The following PTPRD variants were observed in gnomAD, a reference collection of about 807,000 sequenced individuals.
The protein encoded by PTPRD is protein tyrosine phosphatase receptor type D.
Under a neutral mutation model 214.5 loss-of-function variants are expected in PTPRD, and 34 were observed. The observed-to-expected ratio is 0.16, with a 90% CI of 0.12 to 0.21. PTPRD has a LOEUF of 0.21. Ranked by LOEUF, PTPRD falls within the 10% of genes least tolerant of loss-of-function variation. PTPRD has a pLI of 1.00. For synonymous variants in PTPRD, 1,128 were observed against 845.7 expected, an observed-to-expected ratio of 1.33 and a Z score of -5.79; for missense variants, 2,545 against 2,398.7, an observed-to-expected ratio of 1.06 and a Z score of -1.27.
chr9:10,023,505 G>C (rs2096863241), intron 4 of PTPRD, among the ~76,000 whole-genome samples: 1 of 152,008 alleles, frequency 6.6e-6, no homozygotes, highest in East Asian at 1.9e-4. Context: ...GTTAACTTCT[G>C]TGTTTGTACC....
intron 9 of PTPRD, among the ~76,000 whole-genome samples, chr9:9,247,006 C>A (rs2099973362): frequency 6.6e-6 from 1 of 151,018 alleles, no homozygotes; most frequent in African/African-American, 2.4e-5. Context: ...CCCCGAGTGA[C>A]TCATAGAAAT....
chr9:10,114,363 T>C (rs544533457), intron 3 of PTPRD, among the ~76,000 whole-genome samples: 2 of 152,290 alleles, frequency 1.3e-5, no homozygotes, highest in East Asian at 3.9e-4. Flanking sequence ...AGCTTTCCTA[T>C]ATTTTCTTGA....
At chr9:9,152,630 G>A (rs1203394501) in intron 10 of PTPRD, among the ~76,000 whole-genome samples, 1 of 152,172 alleles carries the variant, frequency 6.6e-6, no homozygotes, top group African/African-American at 2.4e-5. Flanking sequence ...CAAATGAATT[G>A]CTTGACTGTA....
intron 11 of PTPRD, among the ~76,000 whole-genome samples, chr9:8,850,482 A>G (rs940307284): frequency 2.6e-5 from 4 of 152,204 alleles, no homozygotes; most frequent in African/African-American, 7.2e-5. Flanking sequence ...CATCCATGGC[A>G]TATTTCCAAT....
chr9:9,900,644 T>TTTTTTTTTGTTTTTTCTG (rs369510362), intron 5 of PTPRD, among the ~76,000 whole-genome samples: 1 of 143,860 alleles, frequency 7.0e-6, no homozygotes, highest in Non-Finnish European at 1.5e-5. Flanking sequence ...TTTTCAGGTT[T>TTTTTTTTTGTTTTTTCTG]TTTTTTTTTT....
intron 10 of PTPRD, among the ~76,000 whole-genome samples, chr9:9,051,773 C>T (rs989803306): frequency 6.6e-6 from 1 of 152,004 alleles, no homozygotes; most frequent in African/African-American, 2.4e-5. Flanking sequence ...TTTATTTCAC[C>T]CAGTTGTAGG....
chr9:8,465,293 T>C (rs1189149185), intron 32 of PTPRD, among the ~76,000 whole-genome samples, 173 bp downstream of exon 32: 5 of 151,910 alleles, frequency 3.3e-5, no homozygotes, highest in Non-Finnish European at 7.4e-5. Flanking sequence ...TGTAATGCAG[T>C]CTCAAGGAGT....
intron 2 of PTPRD, among the ~76,000 whole-genome samples, chr9:10,563,265 G>A: frequency 6.6e-6 from 1 of 152,156 alleles, no homozygotes. Flanking sequence ...TGGCAGAAAG[G>A]AATCCTTTCC....
At chr9:9,907,287 A>G (rs2077853746) in intron 5 of PTPRD, among the ~76,000 whole-genome samples, 1 of 151,986 alleles carries the variant, frequency 6.6e-6, no homozygotes, top group Non-Finnish European at 1.5e-5. Flanking sequence ...GCATCATTGC[A>G]CAAAACATCC....
chr9:8,973,865 T>G (rs1024250444), intron 11 of PTPRD, among the ~76,000 whole-genome samples: 2 of 152,166 alleles, frequency 1.3e-5, no homozygotes, highest in Non-Finnish European at 2.9e-5. Context: ...TATGTCTTCT[T>G]TTAAGAAATA....
intron 8 of PTPRD, among the ~76,000 whole-genome samples, chr9:9,497,657 A>C (rs2096250101): frequency 6.6e-6 from 1 of 152,172 alleles, no homozygotes; most frequent in South Asian, 2.1e-4. Flanking sequence ...TATCTCAAAA[A>C]GAGGAGAAAT....
At chr9:9,875,220 A>G (rs188838819) in intron 5 of PTPRD, among the ~76,000 whole-genome samples, 1 of 152,248 alleles carries the variant, frequency 6.6e-6, no homozygotes, top group African/African-American at 2.4e-5. Flanking sequence ...AAAATTATAT[A>G]TCTTTTGAGA....
intron 41 of PTPRD, 94 bp downstream of exon 41, chr9:8,340,996 G>A (rs971251023): frequency 5.5e-6 from 7 of 1,272,046 alleles, no homozygotes; most frequent in Middle Eastern, 2.0e-4. Context: ...GAAAGAAAAT[G>A]TCTTTGAATG....
chr9:8,557,557 A>G (rs2084370690), intron 14 of PTPRD, among the ~76,000 whole-genome samples: 1 of 149,638 alleles, frequency 6.7e-6, no homozygotes, highest in African/African-American at 2.5e-5. Context: ...AGCCTGACCA[A>G]CATGGCGAAA....
At chr9:10,241,630 T>C (rs189828402) in intron 3 of PTPRD, among the ~76,000 whole-genome samples, 2 of 152,068 alleles carry the variant, frequency 1.3e-5, no homozygotes, top group East Asian at 3.9e-4. Context: ...AAAATTCTAT[T>C]AAGTGCAACT....
chr9:9,347,608 T>A (rs574767780), intron 9 of PTPRD, among the ~76,000 whole-genome samples: 2 of 152,178 alleles, frequency 1.3e-5, no homozygotes, highest in East Asian at 3.9e-4. Context: ...CAAGGCAATA[T>A]CCATGCAGTT....
intron 9 of PTPRD, among the ~76,000 whole-genome samples, chr9:9,330,692 C>A (rs115994791): frequency 0.013 from 2,018 of 151,358 alleles, 46 homozygotes; most frequent in African/African-American, 0.047. Context: ...TAATCAATAC[C>A]CTTAAATGGA....
chr9:10,079,705 C>T (rs559955868), intron 3 of PTPRD, among the ~76,000 whole-genome samples: 5 of 152,228 alleles, frequency 3.3e-5, no homozygotes, highest in South Asian at 2.1e-4. Flanking sequence ...TGTAAATCTT[C>T]GTGCTAGTCA....
intron 5 of PTPRD, among the ~76,000 whole-genome samples, chr9:9,845,127 T>G (rs2059236921): frequency 1.2e-5 from 1 of 80,214 alleles, no homozygotes; most frequent in Admixed American, 1.9e-4. Context: ...GCTCTATATA[T>G]AGAGCAATAT....
Sources: allele counts gnomAD v4.1 joint callset (sites outside exome capture counted in the v4.1 genomes callset), GRCh38; gene constraint gnomAD v4.1.1; transcripts MANE v1.5; gene names NCBI Gene and HGNC (gene_info 2026-07-23, HGNC 2026-07-21).